The following SNX33 variants were observed in gnomAD, a reference collection of about 807,000 sequenced individuals.
SNX33 encodes sorting nexin-33.
A neutral mutation model predicts 38.8 loss-of-function variants in SNX33; 19 were observed. The observed-to-expected ratio is 0.49, with a 90% CI of 0.34 to 0.72. The LOEUF (loss-of-function observed/expected upper bound fraction) is 0.72. SNX33 is among the 30% of genes least tolerant of loss of function. SNX33 has a pLI of 0.01. For missense variants in SNX33, 641 were observed against 776.4 expected (o/e 0.83, Z 2.07); for synonymous variants, 246 against 289.7 (o/e 0.85, Z 1.53).
chr15:75,650,156 G>C lies in SNX33; in HGVS notation c.1054G>C (p.Glu352Gln). 1 of 1,612,044 alleles carries C rather than the reference G, an allele frequency of 6.2e-7. No homozygotes were observed. Among genetic ancestry groups the C allele is most frequent in the East Asian group, 2.2e-5 (1 of 44,876 alleles). ...GGGCAAACGCCGGGCGGAGAAGGAT[G>C]AGATGGTGGGTGCCAGCTTCCTGCT... ...KMGKRRAEKD[E>Q]MVGASFLLTF... The change falls in exon 1 of 2, where the codon GAG becomes CAG. Residue 352 changes from glutamate to glutamine, a missense_variant. Transcript: ENST00000308527. This position sits in a 1 kb window ranked among gnomAD's most constrained non-coding sequence, Gnocchi z 6.1.
intron 1 of SNX33, among the ~76,000 whole-genome samples, chr15:75,653,731 C>T (rs1354562414): frequency 1.3e-5 from 2 of 152,240 alleles, no homozygotes; most frequent in East Asian, 1.9e-4. Flanking sequence ...ATAGGGACAG[C>T]GTGGCCAAGG....
At chr15:75,654,937 T>C (rs535841435) in intron 1 of SNX33, among the ~76,000 whole-genome samples, 2 of 152,350 alleles carry the variant, frequency 1.3e-5, no homozygotes, top group South Asian at 4.1e-4. Flanking sequence ...TAGATGCACT[T>C]CCACTGTGCC....
At position 75,657,325 on chromosome 15, in the gene SNX33, G is replaced by C; in HGVS notation, c.*110G>C. 6.5e-7 allele frequency: 1 copy of C among 1,535,082 alleles called. No individual in the cohort carries two copies. The highest frequency in any genetic ancestry group is 1.8e-5 in the Admixed American group (1 of 56,252). On this transcript the variant is annotated 3_prime_UTR_variant, in exon 2 of 2. Transcript: ENST00000308527. The surrounding 1 kb of genome is among the most constrained non-coding windows in gnomAD (Gnocchi z 5.5). ...ACTGGGGGAGGGGTCAGCGGTGGGG[G>C]AGATAAGCGGCCTGTCCTGCCTCCT...
rs930481456 is a variant in SNX33 at position 75,659,549 on chromosome 15, T to A, written c.*2334T>A. The A allele has an allele frequency of 2.0e-5, 3 of 152,434 alleles. No homozygotes were observed. Among genetic ancestry groups the A allele is most frequent in the African/African-American group, 7.2e-5 (3 of 41,454 alleles). 9.4% of individuals were successfully genotyped at this position (152,434 alleles called of 1,614,324 possible). A position where few individuals can be genotyped will look rare whatever the true frequency, so the allele number is the denominator to read the frequency against. On this transcript the variant is annotated 3_prime_UTR_variant, in exon 2 of 2. Transcript: ENST00000308527. ...CGAGGAACTTCCCGCCCTTAACCTC[T>A]TCTCAGCTCTGCCATCCATGTAGCC...
Position 75,658,561 on chromosome 15 carries a change from G to A in SNX33, c.*1346G>A, listed in dbSNP as rs1380198625. On this transcript the variant is annotated 3_prime_UTR_variant, in exon 2 of 2. Transcript: ENST00000308527. This position sits in a 1 kb window ranked among gnomAD's most constrained non-coding sequence, Gnocchi z 4.1. ...CACCACTGCCCCCCTTGCCCCCGGG[G>A]GGGTCATGGTCTCCTCCTGGATGCT... 1 of 152,646 alleles carries A rather than the reference G, an allele frequency of 6.6e-6. No homozygotes were observed. Among genetic ancestry groups the A allele is most frequent in the East Asian group, 1.9e-4 (1 of 5,198 alleles). 9.5% of individuals were successfully genotyped at this position (152,646 alleles called of 1,614,324 possible).
At chr15:75,653,181 A>G (rs1033676071) in intron 1 of SNX33, among the ~76,000 whole-genome samples, 1 of 152,200 alleles carries the variant, frequency 6.6e-6, no homozygotes, top group Non-Finnish European at 1.5e-5. Flanking sequence ...CTTTTCAGAA[A>G]AATAATAAAA....
In SNX33 at chr15:75,650,708, G is replaced by A. The variant is rs528970174; in HGVS notation, c.1471+135G>A. ...TCTCAATCATTCATTTAACAAATGT[G>A]TTGGGCTGGGCACGGTGGCTTACGC... is the stretch of plus-strand genomic sequence containing the variant. On this transcript the variant is annotated intron_variant, in intron 1 of 1. Transcript: ENST00000308527. This position sits in a 1 kb window ranked among gnomAD's most constrained non-coding sequence, Gnocchi z 6.1. 5 of 1,250,348 alleles carry A rather than the reference G, an allele frequency of 4.0e-6. No homozygotes were observed. In the South Asian group the frequency reaches 6.8e-5, roughly 17 times the overall value. The allele number at this position is 1,250,348 out of a possible 1,614,324, so 77.5% of individuals were successfully genotyped here.
intron 1 of SNX33, among the ~76,000 whole-genome samples, chr15:75,653,774 TG>T: frequency 6.6e-6 from 1 of 152,212 alleles, no homozygotes; most frequent in Non-Finnish European, 1.5e-5. Flanking sequence ...AGTTCTTGCC[TG>T]GGGGATGGGT....
intron 1 of SNX33, among the ~76,000 whole-genome samples, chr15:75,655,345 T>C (rs139146253): frequency 1.4e-3 from 211 of 152,348 alleles, no homozygotes; most frequent in Middle Eastern, 3.4e-3. Context: ...CTGGGTCCTA[T>C]CCTGGGCCTT....
intron 1 of SNX33, among the ~76,000 whole-genome samples, chr15:75,653,249 G>A (rs919350867): frequency 2.6e-5 from 4 of 152,158 alleles, no homozygotes; most frequent in African/African-American, 7.2e-5. Flanking sequence ...GTCCTCCCAC[G>A]GGCCTAGTCC....
chr15:75,650,291 A>G lies in SNX33; in HGVS notation c.1189A>G (p.Thr397Ala). The G allele has an allele frequency of 3.1e-6, 5 of 1,593,088 alleles. No individual in the cohort carries two copies. The highest frequency in any genetic ancestry group is 4.3e-6 in the Non-Finnish European group (5 of 1,167,900). ...GGACGACAGCGTCCTGCAGCTCAGC[A>G]CTGTGGCATCAGAGCTGGTGCGTAA... ...KMDDSVLQLS[T>A]VASELVRKHV... Residue 397 changes from threonine to alanine, a missense_variant, in exon 1 of 2, where the codon ACT becomes GCT. Around this residue, in one of 2 missense-constraint regions of SNX33, gnomAD observed 398 missense variants for 542.5 expected, o/e 0.73. Transcript: ENST00000308527. The surrounding 1 kb of genome is among the most constrained non-coding windows in gnomAD (Gnocchi z 6.1).
intron 1 of SNX33, among the ~76,000 whole-genome samples, chr15:75,656,127 T>G (rs1394555057): frequency 6.6e-6 from 1 of 152,048 alleles, no homozygotes; most frequent in African/African-American, 2.4e-5. Flanking sequence ...GAACAGGGCG[T>G]GCATGTCTGG....
In SNX33 at chr15:75,661,520, A is replaced by C. The variant is rs570722747; in HGVS notation, c.*4305A>C. 3 of 152,186 alleles carry C rather than the reference A, an allele frequency of 2.0e-5. No individual in the cohort carries two copies. The South Asian group carries it at 6.2e-4, about 32-fold the overall frequency. The allele number at this position is 152,186 out of a possible 1,614,324, so 9.4% of individuals were successfully genotyped here. On this transcript the variant is annotated 3_prime_UTR_variant, in exon 2 of 2. Transcript: ENST00000308527. This position sits in a 1 kb window ranked among gnomAD's most constrained non-coding sequence, Gnocchi z 4.5. The stretch of plus-strand genomic sequence containing the variant: ...TGATTGTGAAACCCAGCTCTGTTCA[A>C]CATAGTTGAACACAAACTTTTTTTT...
intron 1 of SNX33, among the ~76,000 whole-genome samples, chr15:75,653,943 A>T (rs1893618175): frequency 6.6e-6 from 1 of 152,030 alleles, no homozygotes; most frequent in Non-Finnish European, 1.5e-5. Context: ...AATACAAAAA[A>T]ATAGCCAGGC....
chr15:75,648,654 A>G lies in SNX33; in HGVS notation c.-449A>G. ...AATCTGGGAGCCAGAGGGACAGCCG[A>G]GCCCTGCCCGGGTTTCTGGAATGGT... On this transcript the variant is annotated 5_prime_UTR_variant, in exon 1 of 2. Coordinates refer to ENST00000308527, the MANE Select transcript of SNX33 (RefSeq NM_153271.2). This position sits in a 1 kb window ranked among gnomAD's most constrained non-coding sequence, Gnocchi z 4.4. 1 of 531,912 alleles carries G rather than the reference A, an allele frequency of 1.9e-6. No individual in the cohort carries two copies. Among genetic ancestry groups the G allele is most frequent in the Non-Finnish European group, 2.4e-6 (1 of 416,712 alleles). The allele number at this position is 531,912 out of a possible 1,614,324, so 32.9% of individuals were successfully genotyped here. A position where few individuals can be genotyped will look rare whatever the true frequency, so the allele number is the denominator to read the frequency against.
rs375118440 is a variant in SNX33, at chr15:75,661,779, C to T, written c.*4564C>T. ...CAAACCCAGCTCCCTGCCATCACTC[C>T]TTAGAGTCACACTGATGAACTCATT... On this transcript the variant is annotated 3_prime_UTR_variant, in exon 2 of 2. Transcript: ENST00000308527. The surrounding 1 kb of genome is among the most constrained non-coding windows in gnomAD (Gnocchi z 4.5). The T allele has an allele frequency of 1.3e-5, 2 of 152,302 alleles. No homozygotes were observed. Among genetic ancestry groups the T allele is most frequent in the African/African-American group, 4.8e-5 (2 of 41,546 alleles). 9.4% of individuals were successfully genotyped at this position (152,302 alleles called of 1,614,324 possible). A position where few individuals can be genotyped will look rare whatever the true frequency, so the allele number is the denominator to read the frequency against.
At chr15:75,656,516 C>A (rs1011135976) in intron 1 of SNX33, among the ~76,000 whole-genome samples, 1 of 152,158 alleles carries the variant, frequency 6.6e-6, no homozygotes, top group African/African-American at 2.4e-5. Flanking sequence ...GAGAACCTGT[C>A]AGAGGCTGGG....
Position 75,657,031 on chromosome 15 carries a change from A to G in SNX33, c.1541A>G (p.Asp514Gly). 1 of 1,614,148 alleles carries G rather than the reference A, an allele frequency of 6.2e-7. No homozygotes were observed. Among genetic ancestry groups the G allele is most frequent in the African/African-American group, 1.3e-5 (1 of 75,066 alleles). Residue 514 changes from aspartate (D) to glycine (G), a missense_variant, in exon 2 of 2, where the codon GAC becomes GGC. This residue lies in a region of SNX33 where 398 missense variants were observed against 542.5 expected (regional missense o/e 0.73). Transcript: ENST00000308527. The surrounding 1 kb of genome is among the most constrained non-coding windows in gnomAD (Gnocchi z 5.5). The part of the protein sequence containing the change: ...DEGRMVQDEA[D>G]GIRRRCRVVG... The stretch of plus-strand genomic sequence containing the variant: ...GGCCGCATGGTGCAGGACGAGGCAG[A>G]CGGCATTCGCAGGCGCTGCCGCGTG...
rs1214636471 is a variant in SNX33, at chr15:75,650,422, C to A, written c.1320C>A (p.Asn440Lys). The change falls in exon 1 of 2, where the codon AAC (asparagine) becomes AAA (lysine). Residue 440 changes from asparagine to lysine, a missense_variant. Asn to Lys is a moderately conservative substitution (Grantham distance 94). Coordinates refer to ENST00000308527, the MANE Select transcript of SNX33 (RefSeq NM_153271.2). The surrounding 1 kb of genome is among the most constrained non-coding windows in gnomAD (Gnocchi z 6.1). Reference sequence around the variant, plus strand: ...CCCCCTTTTGCTCTGAGGCCCTCAACAGTGCCATTTCTCACACGGGCCGTA... The same window carrying A: ...CCCCCTTTTGCTCTGAGGCCCTCAAAAGTGCCATTTCTCACACGGGCCGTA... The part of the protein sequence containing the change: ...MDPPFCSEAL[N>K]SAISHTGRTY... The A allele has an allele frequency of 6.2e-7, 1 of 1,614,070 alleles. No homozygotes were observed. Among genetic ancestry groups the A allele is most frequent in the Non-Finnish European group, 8.5e-7 (1 of 1,180,036 alleles).
Sources: allele counts gnomAD v4.1 joint callset (sites outside exome capture counted in the v4.1 genomes callset), GRCh38; gene constraint gnomAD v4.1.1; regional missense constraint gnomAD v4.1.1; non-coding constraint Gnocchi (gnomAD v3.1); transcripts MANE v1.5; gene names NCBI Gene and HGNC (gene_info 2026-07-23, HGNC 2026-07-21).